The following SERINC5 variants were observed in gnomAD, a reference collection of about 807,000 sequenced individuals.
SERINC5 encodes chromosome 5 open reading frame 12.
In SERINC5, 41 loss-of-function variants were observed where a neutral mutation model predicts 63.1. That is an observed-to-expected ratio of 0.65 (90% confidence interval 0.51 to 0.84). The LOEUF (loss-of-function observed/expected upper bound fraction) is 0.84, where lower values mean the gene tolerates loss of function less well. SERINC5 is among the 40% of genes least tolerant of loss of function. SERINC5 has a pLI of 0.00. For synonymous variants in SERINC5, 222 were observed against 215.2 expected, an observed-to-expected ratio of 1.03 and a Z score of -0.28; for missense variants, 523 against 573.0, an observed-to-expected ratio of 0.91 and a Z score of 0.89.
At chr5:80,217,780 A>G (rs1385126861) in intron 1 of SERINC5, among the ~76,000 whole-genome samples, 1 of 152,164 alleles carries the variant, frequency 6.6e-6, no homozygotes, top group African/African-American at 2.4e-5. Flanking sequence ...CAGAAAATTC[A>G]ACCTAAACAG....
downstream of SERINC5, among the ~76,000 whole-genome samples, chr5:80,137,920 A>G (rs961030751): frequency 6.6e-6 from 1 of 152,136 alleles, no homozygotes; most frequent in Non-Finnish European, 1.5e-5. Flanking sequence ...CCTGGGTGAC[A>G]GAGTGAGACT....
At chr5:80,232,175 C>G (rs111348345) in intron 1 of SERINC5, among the ~76,000 whole-genome samples, 6 of 149,358 alleles carry the variant, frequency 4.0e-5, no homozygotes, top group African/African-American at 1.5e-4. Flanking sequence ...GAGGCCAAGG[C>G]GGGCAGATCA....
chr5:80,154,471 G>A (rs953390075), intron 8 of SERINC5, among the ~76,000 whole-genome samples: 7 of 151,982 alleles, frequency 4.6e-5, no homozygotes, highest in African/African-American at 1.2e-4. Flanking sequence ...GAGCCATCAC[G>A]CCTGGCCACG....
chr5:80,139,184 A>T lies in SERINC5; in HGVS notation c.*4479T>A, dbSNP rs187193961. ...ACAGCTAATCGTTTCAGAAAAGTTT[A>T]AAAAATTAGCAAAGTTATATCTATA... On this transcript the variant is annotated 3_prime_UTR_variant, in exon 12 of 12. Transcript: ENST00000507668. The T allele has an allele frequency of 4.5e-5, 44 of 983,752 alleles. No individual in the cohort carries two copies. The highest frequency in any genetic ancestry group is 1.0e-3 in the Middle Eastern group (2 of 1,910). The allele number at this position is 983,752 out of a possible 1,614,324, so 60.9% of individuals were successfully genotyped here. A position where few individuals can be genotyped will look rare whatever the true frequency, so the allele number is the denominator to read the frequency against.
chr5:80,118,210 A>T (rs57707747), intron 11 of SERINC5, among the ~76,000 whole-genome samples: 24,443 of 152,014 alleles, frequency 0.16, 2,638 homozygotes, highest in East Asian at 0.54. Flanking sequence ...CTCAAAAAAA[A>T]AATAATAATA....
intron 1 of SERINC5, among the ~76,000 whole-genome samples, chr5:80,204,431 G>A (rs760306855): frequency 1.3e-5 from 2 of 152,142 alleles, no homozygotes; most frequent in Non-Finnish European, 2.9e-5. Context: ...CTTTACCAAC[G>A]TATTCACCCA....
At chr5:80,137,139 CAA>C (rs869035894), downstream of SERINC5, among the ~76,000 whole-genome samples, 3,493 of 67,756 alleles carry the variant, frequency 0.052, 172 homozygotes, top group African/African-American at 0.16. Context: ...GACCCTGTCT[CAA>C]AAAAAAAAAA....
chr5:80,184,651 C>T (rs1308535272), intron 2 of SERINC5, among the ~76,000 whole-genome samples: 1 of 152,160 alleles, frequency 6.6e-6, no homozygotes, highest in Non-Finnish European at 1.5e-5. Context: ...TATTTTTGGG[C>T]AAAGAACCTC....
rs72776253 is a variant in SERINC5, at chr5:80,202,874, G to A, written c.195+12C>T. On this transcript the variant is annotated intron_variant, in intron 2 of 11. Coordinates refer to ENST00000507668, the MANE Select transcript of SERINC5 (RefSeq NM_001174072.3). ...ATCGGAAATAGGACGAGCTGAACACGGACAAACTTACGTGCTCTTTCATCT... is the reference window on the plus strand; with the variant it reads ...ATCGGAAATAGGACGAGCTGAACACAGACAAACTTACGTGCTCTTTCATCT... 8.5e-5 allele frequency: 136 copies of A among 1,601,654 alleles called. No individual in the cohort carries two copies. The highest frequency in any genetic ancestry group is 1.1e-4 in the Non-Finnish European group (129 of 1,170,734).
intron 2 of SERINC5, among the ~76,000 whole-genome samples, chr5:80,195,893 A>T (rs111873481): frequency 0.03 from 4,500 of 152,278 alleles, 211 homozygotes; most frequent in African/African-American, 0.1. Flanking sequence ...ATCTGGGAGA[A>T]ATGTAGCAAA....
rs972014142 is a variant in SERINC5, at chr5:80,169,619, C to T, written c.552-73G>A. The T allele has an allele frequency of 1.2e-5, 14 of 1,187,582 alleles. No homozygotes were observed. In the South Asian group the frequency reaches 1.3e-4, roughly 11 times the overall value. 73.6% of individuals were successfully genotyped at this position (1,187,582 alleles called of 1,614,324 possible). On this transcript the variant is annotated intron_variant, in intron 5 of 11. Transcript: ENST00000507668. ...AACGAAGCCCACCATTCTGCGGTAA[C>T]AGTCACCATCCCTCAGGCAGTAACT...
rs1580054169 is a variant in SERINC5 at position 80,143,057 on chromosome 5, CTG to C, written c.*604_*605del. 3 of 985,296 alleles carry C rather than the reference CTG, an allele frequency of 3.0e-6. No homozygotes were observed. The highest frequency in any genetic ancestry group is 5.2e-4 in the Middle Eastern group (1 of 1,936). 61.0% of individuals were successfully genotyped at this position (985,296 alleles called of 1,614,324 possible). A position where few individuals can be genotyped will look rare whatever the true frequency, so the allele number is the denominator to read the frequency against. The stretch of plus-strand genomic sequence containing the variant: ...GAAGGGTGCAGGCAGAGAGTGAAGT[CTG>C]TGATTCCCAGCATCACAACCTCAAA... On this transcript the variant is annotated 3_prime_UTR_variant, in exon 12 of 12. Transcript: ENST00000507668.
chr5:80,149,454 C>T (rs1175826116), intron 9 of SERINC5, among the ~76,000 whole-genome samples: 1 of 152,162 alleles, frequency 6.6e-6, no homozygotes, highest in Non-Finnish European at 1.5e-5. Context: ...CCCCAGACAC[C>T]CAGCTGCAGA....
At chr5:80,175,715 A>G (rs917661712) in intron 4 of SERINC5, among the ~76,000 whole-genome samples, 8 of 151,536 alleles carry the variant, frequency 5.3e-5, no homozygotes, top group Non-Finnish European at 7.4e-5. Flanking sequence ...CTTAAAAAAA[A>G]ACTCCAGGCA....
chr5:80,230,458 AAAAAG>A (rs1315127592), intron 1 of SERINC5, among the ~76,000 whole-genome samples: 1 of 149,298 alleles, frequency 6.7e-6, no homozygotes, highest in Non-Finnish European at 1.5e-5. Flanking sequence ...AAAAAAAAAA[AAAAAG>A]AAACCATTGC....
chr5:80,232,245 AT>A (rs1401192760), intron 1 of SERINC5, among the ~76,000 whole-genome samples: 1 of 148,684 alleles, frequency 6.7e-6, no homozygotes, highest in Non-Finnish European at 1.5e-5. Flanking sequence ...TCTACTAAAA[AT>A]ACAAAAAAAA....
Position 80,174,934 on chromosome 5 carries a change from C to A in SERINC5, c.551+20G>T, listed in dbSNP as rs935708581. 1.3e-6 allele frequency: 2 copies of A among 1,549,478 alleles called. No homozygotes were observed. The highest frequency in any genetic ancestry group is 2.4e-5 in the South Asian group (2 of 84,362). ...GCAGTTTCTGTGAGTCAATGGGAAGCTTTCCATAAAGGCACACACCAGTTC... is the reference window on the plus strand; with the variant it reads ...GCAGTTTCTGTGAGTCAATGGGAAGATTTCCATAAAGGCACACACCAGTTC... On this transcript the variant is annotated intron_variant, in intron 5 of 11. Coordinates refer to ENST00000507668, the MANE Select transcript of SERINC5 (RefSeq NM_001174072.3).
At chr5:80,143,939 A>G in intron 11 of SERINC5, 129 bp from the exon 12 acceptor site, 1 of 1,082,836 alleles carries the variant, frequency 9.2e-7, no homozygotes, top group Non-Finnish European at 1.3e-6. Flanking sequence ...TTGTGCTACC[A>G]TCAACACTAC....
intron 1 of SERINC5, among the ~76,000 whole-genome samples, chr5:80,210,238 G>A (rs17259420): frequency 0.11 from 16,869 of 152,130 alleles, 1,220 homozygotes; most frequent in Non-Finnish European, 0.16. Context: ...GAATGGCAAA[G>A]GCTTTTCTAA....
Sources: gnomAD v4.1 joint callset for allele counts (sites outside exome capture counted in the v4.1 genomes callset) on GRCh38, gnomAD v4.1.1 for gene constraint, MANE v1.5 for transcripts, NCBI Gene and HGNC (gene_info 2026-07-23, HGNC 2026-07-21) for gene names.